FBLN1: variants seen among roughly 807,000 people sequenced by gnomAD.
The protein encoded by FBLN1 is fibulin 1.
FBLN1 carries 34 observed loss-of-function variants against 89.7 expected under a neutral mutation model. That is an observed-to-expected ratio of 0.38 (90% CI 0.29 to 0.50). FBLN1 has a LOEUF of 0.50. FBLN1 is among the 20% of genes least tolerant of loss of function. FBLN1 has a pLI of 0.92. For missense variants in FBLN1, 777 were observed against 988.1 expected (o/e 0.79, Z 2.86); for synonymous variants, 393 against 391.3 (o/e 1.00, Z -0.05).
At chr22:45,539,715 A>G (rs750659881) in intron 8 of FBLN1, among the ~76,000 whole-genome samples, 3 of 151,912 alleles carry the variant, frequency 2.0e-5, no homozygotes, top group Non-Finnish European at 4.4e-5. Flanking sequence ...CTGTTCCCAA[A>G]CTCACCCTAT....
chr22:45,544,951 C>T (rs1282816968), intron 11 of FBLN1, among the ~76,000 whole-genome samples: 1 of 152,230 alleles, frequency 6.6e-6, no homozygotes, highest in Non-Finnish European at 1.5e-5. Flanking sequence ...TGGCCCTCCA[C>T]AATCGTCCAC....
intron 1 of FBLN1, among the ~76,000 whole-genome samples, chr22:45,511,461 T>TG (rs2088099705): frequency 6.7e-6 from 1 of 150,320 alleles, no homozygotes. Flanking sequence ...GCTTTTTTTT[T>TG]TTTTTTAGAC....
At chr22:45,582,445 C>T (rs1236023608) in intron 16 of FBLN1, among the ~76,000 whole-genome samples, 1 of 152,154 alleles carries the variant, frequency 6.6e-6, no homozygotes, top group African/African-American at 2.4e-5. Context: ...ATGGCGAGGT[C>T]CTGGAGGGTC....
intron 16 of FBLN1, among the ~76,000 whole-genome samples, chr22:45,587,882 T>G (rs1460792179): frequency 6.6e-6 from 1 of 152,092 alleles, no homozygotes; most frequent in Non-Finnish European, 1.5e-5. Context: ...ACATGCAGAG[T>G]GTGCAGCTCC....
intron 14 of FBLN1, chr22:45,558,544 T>G (rs1446339336): frequency 6.2e-6 from 1 of 161,326 alleles, no homozygotes; most frequent in African/African-American, 2.4e-5. Flanking sequence ...ATCTGCTGGG[T>G]CATATGGCCC....
intron 9 of FBLN1, 77 bp from the exon 10 acceptor site, chr22:45,542,078 C>A: frequency 1.2e-6 from 2 of 1,605,448 alleles, no homozygotes; most frequent in Non-Finnish European, 1.7e-6. Flanking sequence ...TCCTTTCTTG[C>A]TTTCCTTTCT....
intron 1 of FBLN1, among the ~76,000 whole-genome samples, chr22:45,516,959 G>C (rs539493783): frequency 1.3e-5 from 2 of 152,210 alleles, no homozygotes; most frequent in South Asian, 4.1e-4. Context: ...TATCCATTCT[G>C]GAATGTTTCT....
At chr22:45,595,011 C>A (rs1450001750) in intron 16 of FBLN1, among the ~76,000 whole-genome samples, 3 of 152,162 alleles carry the variant, frequency 2.0e-5, no homozygotes, top group Non-Finnish European at 4.4e-5. Context: ...TGAGGACCAG[C>A]TGAACTGTTA....
intron 1 of FBLN1, 43 bp downstream of exon 1, chr22:45,503,107 C>T (rs2087969169): frequency 1.6e-6 from 2 of 1,217,308 alleles, no homozygotes; most frequent in South Asian, 3.9e-5. Context: ...AGGGTCCCGA[C>T]CCCCTCGGCC....
At chr22:45,570,081 A>T (rs2088938039) in intron 14 of FBLN1, among the ~76,000 whole-genome samples, 1 of 152,100 alleles carries the variant, frequency 6.6e-6, no homozygotes, top group African/African-American at 2.4e-5. Flanking sequence ...GCATTTTGGG[A>T]GGCTGAGGCA....
intron 2 of FBLN1, among the ~76,000 whole-genome samples, chr22:45,521,836 A>G (rs1382136228): frequency 6.6e-6 from 1 of 152,186 alleles, no homozygotes; most frequent in African/African-American, 2.4e-5. Context: ...TGAGTTTTGT[A>G]TAGATTTTCA....
chr22:45,524,742 G>A (rs1449845047), intron 2 of FBLN1, among the ~76,000 whole-genome samples: 2 of 152,082 alleles, frequency 1.3e-5, no homozygotes, highest in South Asian at 2.1e-4. Flanking sequence ...ACAAAACTGG[G>A]CCTCCTGGCT....
At chr22:45,589,902 A>G (rs1202061868) in intron 16 of FBLN1, among the ~76,000 whole-genome samples, 2 of 152,002 alleles carry the variant, frequency 1.3e-5, no homozygotes, top group Non-Finnish European at 2.9e-5. Context: ...TTCAAGGTTA[A>G]CCCGTTGGGG....
rs536944989 is a variant in FBLN1 at position 45,530,637 on chromosome 22, G to A, written c.485-628G>A. Reference sequence around the variant, plus strand: ...GTGCATTGCTTTAGACTTGGAGGGCGTGTGTTGGTTGTTAGCAAGGCTGTG... The same window carrying A: ...GTGCATTGCTTTAGACTTGGAGGGCATGTGTTGGTTGTTAGCAAGGCTGTG... On this transcript the variant is annotated intron_variant, in intron 4 of 16. Transcript: ENST00000327858. The surrounding 1 kb of genome is among the most constrained non-coding windows in gnomAD (Gnocchi z 5.4). Among the ~76,000 whole-genome samples the A allele has an allele frequency of 7.9e-5, 12 of 152,314 alleles. No individual in the cohort carries two copies. The highest frequency in any genetic ancestry group is 5.8e-4 in the East Asian group (3 of 5,182).
At chr22:45,538,208 C>A (rs952195839) in intron 8 of FBLN1, among the ~76,000 whole-genome samples, 9 of 152,206 alleles carry the variant, frequency 5.9e-5, no homozygotes, top group African/African-American at 2.2e-4. Flanking sequence ...CCCTCAGGGT[C>A]CCCTTAGCTT....
intron 2 of FBLN1, 22 bp from the exon 3 acceptor site, chr22:45,525,521 C>A: frequency 6.5e-7 from 1 of 1,548,694 alleles, no homozygotes; most frequent in East Asian, 2.4e-5. Context: ...GAGCCTTGGC[C>A]CAGCCCACCC....
chr22:45,587,887 A>C (rs1238525871), intron 16 of FBLN1, among the ~76,000 whole-genome samples: 1 of 152,110 alleles, frequency 6.6e-6, no homozygotes, highest in Non-Finnish European at 1.5e-5. Context: ...CAGAGTGTGC[A>C]GCTCCTTCTT....
At chr22:45,558,996 T>C (rs2105924) in intron 14 of FBLN1, among the ~76,000 whole-genome samples, 74,060 of 151,930 alleles carry the variant, frequency 0.49, 18,951 homozygotes, top group Middle Eastern at 0.62. Context: ...CGAAATGCGA[T>C]CAAGGTCTCT....
At chr22:45,592,986 C>T (rs189189179) in intron 16 of FBLN1, among the ~76,000 whole-genome samples, 2 of 152,296 alleles carry the variant, frequency 1.3e-5, no homozygotes, top group Non-Finnish European at 2.9e-5. Flanking sequence ...TACACGTTGT[C>T]AGCTAGAATC....
Sources: gnomAD v4.1 joint callset for allele counts (sites outside exome capture counted in the v4.1 genomes callset) on GRCh38, gnomAD v4.1.1 for gene constraint, Gnocchi (gnomAD v3.1) non-coding constraint, MANE v1.5 for transcripts, NCBI Gene and HGNC (gene_info 2026-07-23, HGNC 2026-07-21) for gene names.